DZIP1L: variants seen among roughly 807,000 people sequenced by gnomAD.
DZIP1L encodes the protein cilium assembly protein DZIP1L.
DZIP1L carries 90 observed loss-of-function variants against 88.7 expected under a neutral mutation model. That is an observed-to-expected ratio of 1.02 (90% confidence interval 0.86 to 1.21). The LOEUF (loss-of-function observed/expected upper bound fraction) is 1.21, where lower values mean the gene tolerates loss of function less well. Among genes scored for constraint, DZIP1L ranks in the 50% most tolerant of loss-of-function variants. The pLI, the probability that DZIP1L is intolerant of heterozygous loss-of-function variation, is 0.00. For missense variants in DZIP1L, 932 were observed against 955.8 expected, an observed-to-expected ratio of 0.98 and a Z score of 0.33; for synonymous variants, 363 against 372.1, an observed-to-expected ratio of 0.98 and a Z score of 0.28.
At chr3:138,097,929 TC>T (rs1336247881) in intron 2 of DZIP1L, 82 bp from the exon 3 acceptor site, 1 of 1,225,858 alleles carries the variant, frequency 8.2e-7, no homozygotes. Context: ...AAAGCCCCCA[TC>T]CCCTTGGGAC....
intron 2 of DZIP1L, among the ~76,000 whole-genome samples, chr3:138,098,987 A>G (rs2622723): frequency 0.34 from 51,038 of 151,974 alleles, 10,562 homozygotes; most frequent in East Asian, 0.52. Context: ...CTCTAAAAAA[A>G]TTAGACAAAC....
chr3:138,086,470 C>T (rs1340993906), intron 7 of DZIP1L, among the ~76,000 whole-genome samples: 1 of 152,086 alleles, frequency 6.6e-6, no homozygotes, highest in Non-Finnish European at 1.5e-5. Flanking sequence ...GACATTTTTA[C>T]AGAAGCTGTT....
intron 7 of DZIP1L, among the ~76,000 whole-genome samples, chr3:138,084,534 C>A (rs759228051): frequency 2.0e-5 from 3 of 152,090 alleles, no homozygotes; most frequent in Non-Finnish European, 4.4e-5. Flanking sequence ...TGAAAATCAT[C>A]AAATGGATGT....
chr3:138,077,754 G>A (rs1027083572), intron 10 of DZIP1L, 122 bp from the exon 11 acceptor site: 1 of 1,403,726 alleles, frequency 7.1e-7, no homozygotes, highest in Non-Finnish European at 9.7e-7. Context: ...TCAGGACTTG[G>A]AGATTGCACT....
intron 10 of DZIP1L, 104 bp from the exon 11 acceptor site, chr3:138,077,736 C>G: frequency 6.6e-7 from 1 of 1,513,254 alleles, no homozygotes; most frequent in East Asian, 2.3e-5. Flanking sequence ...GAATCCTGGT[C>G]GGTTAACTCA....
intron 2 of DZIP1L, 85 bp from the exon 3 acceptor site, chr3:138,097,932 C>T: frequency 1.7e-6 from 2 of 1,146,666 alleles, no homozygotes; most frequent in Non-Finnish European, 2.6e-6. Context: ...GCCCCCATCC[C>T]CTTGGGACCC....
intron 10 of DZIP1L, among the ~76,000 whole-genome samples, chr3:138,079,897 G>GTAGCTTTTA (rs1297757143): frequency 2.6e-5 from 4 of 152,256 alleles, no homozygotes; most frequent in Admixed American, 1.3e-4. Flanking sequence ...GACCTGGTCA[G>GTAGCTTTTA]TAGCTTTTCC....
At chr3:138,101,243 A>T (rs573739129) in intron 2 of DZIP1L, among the ~76,000 whole-genome samples, 1 of 146,738 alleles carries the variant, frequency 6.8e-6, no homozygotes, top group South Asian at 2.1e-4. Context: ...TTTTTGGCAG[A>T]GATAGCTGAG....
In DZIP1L at chr3:138,064,737, AG is replaced by A. The variant is rs1942819885; in HGVS notation, c.2032del (p.Leu678TrpfsTer5). 1 of 1,601,666 alleles carries A rather than the reference AG, an allele frequency of 6.2e-7. No homozygotes were observed. Among genetic ancestry groups the A allele is most frequent in the Admixed American group, 1.7e-5 (1 of 57,392 alleles). The stretch of plus-strand genomic sequence containing the variant: ...TGCTGGAGCTTCTAGCTGCTTCTCC[AG>A]GTTTTTGACCATCGACTGCACCAGT... The part of the protein sequence containing the change: ...GTLVQSMVKN[L>X]EKQLEAPAKK... On this transcript the variant is annotated frameshift_variant, in exon 15 of 16. Coordinates refer to ENST00000327532, the MANE Select transcript of DZIP1L (RefSeq NM_173543.3). LOFTEE classifies it high-confidence loss of function.
chr3:138,090,502 T>C (rs546494686), intron 5 of DZIP1L, among the ~76,000 whole-genome samples: 2 of 152,290 alleles, frequency 1.3e-5, no homozygotes, highest in South Asian at 4.1e-4. Context: ...TCTTCCACAA[T>C]CATCCCTGGC....
intron 1 of DZIP1L, among the ~76,000 whole-genome samples, chr3:138,107,516 TG>T (rs1167134288): frequency 6.6e-6 from 1 of 152,226 alleles, no homozygotes; most frequent in African/African-American, 2.4e-5. Flanking sequence ...TTACCCAGTC[TG>T]TGTCATTCTG....
chr3:138,103,817 A>G lies in DZIP1L; in HGVS notation c.155T>C (p.Val52Ala). ...DVDRVARELD[V>A]ATLQENIAGI... ...AGCAATATTCTCCTGCAGAGTGGCC[A>G]CATCCAGTTCCCGGGCCACGCGGTC... The change falls in exon 2 of 16, where the codon GTG becomes GCG. Residue 52 changes from valine to alanine, a missense_variant. Physicochemically the swap from Val to Ala is moderately conservative, Grantham distance 64. Coordinates refer to ENST00000327532, the MANE Select transcript of DZIP1L (RefSeq NM_173543.3). 6.2e-7 allele frequency: 1 copy of G among 1,614,200 alleles called. No homozygotes were observed. The highest frequency in any genetic ancestry group is 8.5e-7 in the Non-Finnish European group (1 of 1,180,052).
At chr3:138,103,034 G>T (rs2042367773) in intron 2 of DZIP1L, 1 of 437,316 alleles carries the variant, frequency 2.3e-6, no homozygotes, top group African/African-American at 2.0e-5. Context: ...ATGCTCCAGA[G>T]TTGTATCCTT....
At chr3:138,112,767 C>T (rs2042638692) in intron 1 of DZIP1L, among the ~76,000 whole-genome samples, 1 of 152,050 alleles carries the variant, frequency 6.6e-6, no homozygotes, top group African/African-American at 2.4e-5. Context: ...GCCAACATGG[C>T]GAAATCCTGT....
At chr3:138,105,677 G>A (rs1335810404) in intron 1 of DZIP1L, among the ~76,000 whole-genome samples, 2 of 151,078 alleles carry the variant, frequency 1.3e-5, no homozygotes, top group East Asian at 1.9e-4. Context: ...TTTTTGATCC[G>A]CAGTTTGTTG....
intron 1 of DZIP1L, among the ~76,000 whole-genome samples, chr3:138,107,000 C>G (rs1222577578): frequency 6.6e-6 from 1 of 152,208 alleles, no homozygotes; most frequent in Non-Finnish European, 1.5e-5. Flanking sequence ...TGCTATGAGA[C>G]TTGGAGAAGA....
At position 138,100,577 on chromosome 3, in the gene DZIP1L, C is replaced by T. The variant is rs1559857370; in HGVS notation, c.502-2730G>A. On this transcript the variant is annotated intron_variant, in intron 2 of 15. Coordinates refer to ENST00000327532, the MANE Select transcript of DZIP1L (RefSeq NM_173543.3). Reference sequence around the variant, plus strand: ...CTGAAGTGGGGCCAGTCTTGTGGGACTGATCCCTTAACTCATGGGATCTGA... The same window carrying T: ...CTGAAGTGGGGCCAGTCTTGTGGGATTGATCCCTTAACTCATGGGATCTGA... 2.6e-5 allele frequency among the ~76,000 whole-genome samples: 4 copies of T among 152,316 alleles called. No individual in the cohort carries two copies. In the South Asian group the frequency reaches 8.3e-4, roughly 32 times the overall value.
At chr3:138,081,646 T>C in intron 9 of DZIP1L, 88 bp downstream of exon 9, 4 of 1,370,870 alleles carry the variant, frequency 2.9e-6, no homozygotes, top group South Asian at 1.4e-5. Context: ...CCACCACCCA[T>C]GAATTGACTG....
Position 138,067,549 on chromosome 3 carries a change from G to A in DZIP1L, c.1984C>T (p.Pro662Ser), listed in dbSNP as rs1342537176. 2 of 1,607,872 alleles carry A rather than the reference G, an allele frequency of 1.2e-6. No homozygotes were observed. The highest frequency in any genetic ancestry group is 1.3e-5 in the African/African-American group (1 of 74,550). The change falls in exon 14 of 16, where the codon CCC becomes TCC. Residue 662 changes from proline to serine, a missense_variant. Pro to Ser is a moderately conservative substitution (Grantham distance 74). Transcript: ENST00000327532. ...AGCTCACCTGAGCCCTGGCCAGGGGGCTGGGCATTCTCCTCCGAGGTCTCT... is the reference window on the plus strand; with the variant it reads ...AGCTCACCTGAGCCCTGGCCAGGGGACTGGGCATTCTCCTCCGAGGTCTCT... ...DTETSEENAQ[P>S]PGQGSGTLVQ...
Sources: gnomAD v4.1 joint callset for allele counts (sites outside exome capture counted in the v4.1 genomes callset) on GRCh38, gnomAD v4.1.1 for gene constraint, MANE v1.5 for transcripts, NCBI Gene and HGNC (gene_info 2026-07-23, HGNC 2026-07-21) for gene names.